Variants in DYNLT2B observed in about 807,000 individuals in gnomAD.
DYNLT2B encodes the protein dynein light chain Tctex-type protein 2B.
Under a neutral mutation model 19.5 loss-of-function variants are expected in DYNLT2B, and 14 were observed. That is an observed-to-expected ratio of 0.72 (90% CI 0.47 to 1.12). The LOEUF (loss-of-function observed/expected upper bound fraction) is 1.12, where lower values mean the gene tolerates loss of function less well. DYNLT2B is among the 50% of genes most tolerant of loss of function. DYNLT2B has a pLI of 0.00. For missense variants in DYNLT2B, 133 were observed against 174.7 expected (o/e 0.76, Z 1.35); for synonymous variants, 70 against 59.7 (o/e 1.17, Z -0.79).
chr3:196,316,286 C>T (rs989926941), intron 1 of DYNLT2B, 55 bp from the exon 2 acceptor site: 3 of 1,533,104 alleles, frequency 2.0e-6, no homozygotes, highest in Non-Finnish European at 2.6e-6. Flanking sequence ...CCCAGCTTAC[C>T]TTCATACCGC....
chr3:196,311,738 C>T (rs973757456), intron 2 of DYNLT2B, among the ~76,000 whole-genome samples: 4 of 151,830 alleles, frequency 2.6e-5, no homozygotes, highest in Non-Finnish European at 5.9e-5. Context: ...GGCTGGAGTG[C>T]ACTGGCACGA....
intron 2 of DYNLT2B, among the ~76,000 whole-genome samples, chr3:196,311,297 C>A (rs1726636005): frequency 6.6e-6 from 1 of 151,814 alleles, no homozygotes; most frequent in Non-Finnish European, 1.5e-5. Context: ...CGCCTGTAGT[C>A]CCAGCTACTT....
chr3:196,293,042 T>C (rs1260612208), intron 4 of DYNLT2B, among the ~76,000 whole-genome samples: 1 of 152,112 alleles, frequency 6.6e-6, no homozygotes. Context: ...TTAGTAGAGA[T>C]GGGGTTTCAC....
At chr3:196,298,666 G>GAA (rs1726278706) in intron 3 of DYNLT2B, among the ~76,000 whole-genome samples, 3 of 151,990 alleles carry the variant, frequency 2.0e-5, no homozygotes, top group African/African-American at 7.3e-5. Flanking sequence ...AGTAAGAAAA[G>GAA]CTGGATAAAA....
intron 3 of DYNLT2B, among the ~76,000 whole-genome samples, chr3:196,299,241 C>T (rs1013669941): frequency 2.0e-5 from 3 of 152,124 alleles, no homozygotes; most frequent in African/African-American, 4.8e-5. Flanking sequence ...CCCACCACCA[C>T]GCCCGGCTAA....
At chr3:196,293,646 ATTTT>A (rs533399548) in intron 4 of DYNLT2B, among the ~76,000 whole-genome samples, 1 of 118,892 alleles carries the variant, frequency 8.4e-6, no homozygotes, top group Admixed American at 9.2e-5. Flanking sequence ...AACAAGATGC[ATTTT>A]TTTTTTTTTT....
intron 3 of DYNLT2B, 21 bp from the exon 4 acceptor site, chr3:196,296,090 G>A (rs75016149): frequency 6.2e-7 from 1 of 1,608,254 alleles, no homozygotes; most frequent in Non-Finnish European, 8.5e-7. Context: ...CAAGAATGAA[G>A]AATTATCAAC....
intron 3 of DYNLT2B, among the ~76,000 whole-genome samples, chr3:196,302,651 C>T (rs1322573795): frequency 3.3e-5 from 5 of 152,148 alleles, no homozygotes; most frequent in East Asian, 1.9e-4. Context: ...TACGCAGATA[C>T]GATGCCCTTG....
intron 3 of DYNLT2B, among the ~76,000 whole-genome samples, chr3:196,303,741 A>G (rs529216253): frequency 1.1e-4 from 16 of 152,242 alleles, no homozygotes; most frequent in Non-Finnish European, 2.2e-4. Context: ...TATCCTAGAT[A>G]GAATCCTAAA....
chr3:196,311,240 C>T lies in DYNLT2B; in HGVS notation c.248-4228G>A, dbSNP rs145279090. ...AAGAAGCCTGGGCAAAATGGCAAAA[C>T]CCCGTCTCTACAAAAAATACAAAAA... On this transcript the variant is annotated intron_variant, in intron 2 of 4. Coordinates refer to ENST00000325318, the MANE Select transcript of DYNLT2B (RefSeq NM_152773.5). Among the ~76,000 whole-genome samples the T allele has an allele frequency of 8.7e-3, 1,319 of 151,986 alleles. 11 individuals are homozygous for T. The highest frequency in any genetic ancestry group is 0.015 in the Non-Finnish European group (1,010 of 67,958).
chr3:196,317,281 TTGTG>T (rs200214901), intron 1 of DYNLT2B, among the ~76,000 whole-genome samples: 2 of 52,642 alleles, frequency 3.8e-5, no homozygotes, highest in African/African-American at 6.0e-5. Flanking sequence ...TGTGTGTGTG[TTGTG>T]TGTGTGTGTG....
rs777014901 is a variant in DYNLT2B, at chr3:196,318,136, C to A, written c.17G>T (p.Gly6Val). 5 of 1,544,034 alleles carry A rather than the reference C, an allele frequency of 3.2e-6. No homozygotes were observed. The East Asian group carries it at 1.3e-4, about 41-fold the overall frequency. Reference sequence around the variant, plus strand: ...CCCGTCGCCCACCGAGAAGGACACTCCGATGGACGTGGCCATGCCGGGGCT... The same window carrying A: ...CCCGTCGCCCACCGAGAAGGACACTACGATGGACGTGGCCATGCCGGGGCT... MATSI[G>V]VSFSVGDGVP... Residue 6 changes from glycine to valine, a missense_variant, in exon 1 of 5, where the codon GGA becomes GTA. Coordinates refer to ENST00000325318, the MANE Select transcript of DYNLT2B (RefSeq NM_152773.5).
chr3:196,310,728 T>C (rs540850421), intron 2 of DYNLT2B, among the ~76,000 whole-genome samples: 2 of 151,716 alleles, frequency 1.3e-5, no homozygotes, highest in African/African-American at 4.8e-5. Flanking sequence ...TCACCTGGCC[T>C]GTTTTGTTTT....
chr3:196,293,520 G>T (rs1726142813), intron 4 of DYNLT2B, among the ~76,000 whole-genome samples: 1 of 151,830 alleles, frequency 6.6e-6, no homozygotes, highest in African/African-American at 2.4e-5. Flanking sequence ...CAGCTACTCG[G>T]GAGGCTGGGG....
At chr3:196,306,364 G>C (rs1370926210) in intron 3 of DYNLT2B, among the ~76,000 whole-genome samples, 1 of 151,380 alleles carries the variant, frequency 6.6e-6, no homozygotes, top group East Asian at 1.9e-4. Context: ...GGAGGCCAAG[G>C]CTGCAGTGAG....
At chr3:196,299,930 C>CA (rs1017221837) in intron 3 of DYNLT2B, among the ~76,000 whole-genome samples, 2 of 151,934 alleles carry the variant, frequency 1.3e-5, no homozygotes, top group Non-Finnish European at 1.5e-5. Flanking sequence ...GACTCTTTCT[C>CA]AAAAATAGAA....
At chr3:196,305,995 C>T (rs1299322881) in intron 3 of DYNLT2B, among the ~76,000 whole-genome samples, 2 of 151,716 alleles carry the variant, frequency 1.3e-5, no homozygotes, top group African/African-American at 4.8e-5. Flanking sequence ...CTGTGAATAG[C>T]CACTGCACTC....
At chr3:196,304,090 T>C (rs1475506680) in intron 3 of DYNLT2B, among the ~76,000 whole-genome samples, 1 of 152,202 alleles carries the variant, frequency 6.6e-6, no homozygotes, top group Non-Finnish European at 1.5e-5. Context: ...CTCTGCAACT[T>C]TTCTATAAAT....
In DYNLT2B at chr3:196,310,937, T is replaced by C. The variant is rs555623802; in HGVS notation, c.248-3925A>G. Among the ~76,000 whole-genome samples, 12 of 152,124 alleles carry C rather than the reference T, an allele frequency of 7.9e-5. No individual in the cohort carries two copies. The South Asian group carries it at 2.1e-3, about 26-fold the overall frequency. On this transcript the variant is annotated intron_variant, in intron 2 of 4. Coordinates refer to ENST00000325318, the MANE Select transcript of DYNLT2B (RefSeq NM_152773.5). Reference sequence around the variant, plus strand: ...TTTCAGTAGAGACGAGGTTTCACCATGTTGCCCAGGGTGGTCATGAACTCC... The same window carrying C: ...TTTCAGTAGAGACGAGGTTTCACCACGTTGCCCAGGGTGGTCATGAACTCC...
Sources: gnomAD v4.1 joint callset for allele counts (sites outside exome capture counted in the v4.1 genomes callset) on GRCh38, gnomAD v4.1.1 for gene constraint, MANE v1.5 for transcripts, NCBI Gene and HGNC (gene_info 2026-07-23, HGNC 2026-07-21) for gene names.